MGAT4D: variants seen among roughly 807,000 people sequenced by gnomAD.
The protein encoded by MGAT4D is MGAT4 family member D.
MGAT4D carries 34 observed loss-of-function variants against 15.9 expected under a neutral mutation model. The ratio of observed to expected loss-of-function variants is 2.14; its 90% CI spans 1.62 to 2.84. The LOEUF (loss-of-function observed/expected upper bound fraction) is 2.84, where lower values mean the gene tolerates loss of function less well. Ranked by LOEUF, MGAT4D falls within the 30% of genes most tolerant of loss-of-function variation. The pLI is 0.00. For synonymous variants in MGAT4D, 112 were observed against 48.2 expected (o/e 2.33, Z -5.49); for missense variants, 327 against 140.2 (o/e 2.33, Z -6.73).
At chr4:140,453,295 C>A (rs1730587525) in intron 9 of MGAT4D, among the ~76,000 whole-genome samples, 1 of 151,926 alleles carries the variant, frequency 6.6e-6, no homozygotes, top group Non-Finnish European at 1.5e-5. Flanking sequence ...CCAAAAAATT[C>A]CTGCTGAGAT....
chr4:140,453,807 G>A (rs115983354), intron 9 of MGAT4D, among the ~76,000 whole-genome samples: 2,033 of 152,110 alleles, frequency 0.013, 15 homozygotes, highest in South Asian at 0.032. Flanking sequence ...GGCCTCCCTA[G>A]CCATGCAGAA....
At chr4:140,484,311 A>T (rs1375380045) in intron 1 of MGAT4D, among the ~76,000 whole-genome samples, 2 of 152,228 alleles carry the variant, frequency 1.3e-5, no homozygotes, top group African/African-American at 4.8e-5. Flanking sequence ...ACTAATCATC[A>T]GCAAAATGCA....
chr4:140,452,000 A>C (rs866531409), intron 9 of MGAT4D, among the ~76,000 whole-genome samples: 5,783 of 148,626 alleles, frequency 0.039, 352 homozygotes, highest in African/African-American at 0.13. Flanking sequence ...TTCTCAAAAA[A>C]AAAAAAAAAA....
At chr4:140,465,052 T>C (rs1314976601) in intron 5 of MGAT4D, 43 bp from the exon 6 acceptor site, 1 of 669,038 alleles carries the variant, frequency 1.5e-6, no homozygotes, top group Non-Finnish European at 2.7e-6. Context: ...GAATATTTAA[T>C]TTTCCAGAAT....
Position 140,482,458 on chromosome 4 carries a change from T to C in MGAT4D, c.122A>G (p.His41Arg), listed in dbSNP as rs752954357. The stretch of plus-strand genomic sequence containing the variant: ...CATATTTTCTTTAAACTCCAAAATA[T>C]GGTTTCTACAGTTAATTAATTGATT... ...TNNQLINCRNHILEFKENMLH... is the reference protein window; with the variant it reads ...TNNQLINCRNRILEFKENMLH... The change falls in exon 2 of 11, where the codon CAT becomes CGT. Residue 41 changes from histidine to arginine, a missense_variant. By Grantham distance (29) the His-to-Arg change is conservative. Transcript: ENST00000511113. 5.2e-4 allele frequency: 338 copies of C among 644,778 alleles called. 2 individuals are homozygous for C. Among genetic ancestry groups the C allele is most frequent in the Admixed American group, 1.0e-3 (35 of 34,922 alleles). 39.9% of individuals were successfully genotyped at this position (644,778 alleles called of 1,614,324 possible).
At chr4:140,461,880 TACACACACACACAC>T (rs10644682) in intron 7 of MGAT4D, 35 bp downstream of exon 7, 144 of 535,412 alleles carry the variant, frequency 2.7e-4, no homozygotes, top group Middle Eastern at 8.6e-4. Flanking sequence ...AATTGGTGTA[TACACACACACACAC>T]ACACACACAC....
chr4:140,483,758 G>C (rs7681722), intron 1 of MGAT4D, among the ~76,000 whole-genome samples: 24,458 of 151,992 alleles, frequency 0.16, 2,316 homozygotes, highest in East Asian at 0.41. Context: ...CACACAATAG[G>C]GAAAGAACAG....
At chr4:140,490,348 T>G (rs909737714) in intron 1 of MGAT4D, among the ~76,000 whole-genome samples, 3 of 152,184 alleles carry the variant, frequency 2.0e-5, no homozygotes, top group Non-Finnish European at 2.9e-5. Flanking sequence ...AGCAAAATCT[T>G]TGACCTCTAA....
intron 5 of MGAT4D, 28 bp from the exon 6 acceptor site, chr4:140,465,037 T>C: frequency 1.5e-6 from 1 of 676,796 alleles, no homozygotes. Flanking sequence ...TGCAGACTTA[T>C]AATTGAATAT....
chr4:140,494,743 T>G (rs2126885180), intron 1 of MGAT4D, among the ~76,000 whole-genome samples: 1 of 152,288 alleles, frequency 6.6e-6, no homozygotes, highest in Non-Finnish European at 1.5e-5. Flanking sequence ...TCAGGAGACA[T>G]TTGCCAATGC....
chr4:140,476,308 T>C (rs948911227), intron 3 of MGAT4D, among the ~76,000 whole-genome samples: 1 of 152,246 alleles, frequency 6.6e-6, no homozygotes, highest in Non-Finnish European at 1.5e-5. Context: ...GTTTTGCCCC[T>C]TGATGAAGAG....
chr4:140,466,662 T>C (rs1731551349), intron 5 of MGAT4D, among the ~76,000 whole-genome samples: 1 of 152,206 alleles, frequency 6.6e-6, no homozygotes, highest in African/African-American at 2.4e-5. Context: ...GAGTAATGTT[T>C]TAACATACGT....
At chr4:140,496,680 T>C (rs773375903) in intron 1 of MGAT4D, among the ~76,000 whole-genome samples, 3 of 151,954 alleles carry the variant, frequency 2.0e-5, no homozygotes, top group Non-Finnish European at 4.4e-5. Flanking sequence ...CTATCTCTAC[T>C]AAAAATACAA....
At chr4:140,478,037 C>T (rs1430315051) in intron 3 of MGAT4D, among the ~76,000 whole-genome samples, 1 of 152,166 alleles carries the variant, frequency 6.6e-6, no homozygotes, top group African/African-American at 2.4e-5. Flanking sequence ...ACATATGTTT[C>T]ATGTGTTAGG....
chr4:140,483,699 G>C (rs187400262), intron 1 of MGAT4D, among the ~76,000 whole-genome samples: 3 of 152,192 alleles, frequency 2.0e-5, no homozygotes, highest in East Asian at 1.9e-4. Context: ...AGGGAACCCA[G>C]AAATTCACGC....
chr4:140,496,563 C>T (rs1733849898), intron 1 of MGAT4D, among the ~76,000 whole-genome samples: 1 of 152,192 alleles, frequency 6.6e-6, no homozygotes, highest in Non-Finnish European at 1.5e-5. Context: ...AATTACTAGG[C>T]TGGGTGTGGT....
At chr4:140,459,020 T>A (rs1187019134) in intron 8 of MGAT4D, 1 of 152,144 alleles carries the variant, frequency 6.6e-6, no homozygotes, top group Non-Finnish European at 1.5e-5. Context: ...GTAAAAAAGA[T>A]CTCATAATGG....
intron 8 of MGAT4D, chr4:140,458,982 A>G (rs1266391400): frequency 6.6e-6 from 1 of 152,124 alleles, no homozygotes; most frequent in African/African-American, 2.4e-5. Context: ...AAATTGAAGG[A>G]TTTAAAAGGA....
intron 1 of MGAT4D, among the ~76,000 whole-genome samples, chr4:140,487,559 TA>T (rs1733225194): frequency 6.6e-6 from 1 of 152,224 alleles, no homozygotes; most frequent in Non-Finnish European, 1.5e-5. Context: ...TAATACAATA[TA>T]TCCAAAATGT....
Sources: allele counts gnomAD v4.1 joint callset (sites outside exome capture counted in the v4.1 genomes callset), GRCh38; gene constraint gnomAD v4.1.1; transcripts MANE v1.5; gene names NCBI Gene and HGNC (gene_info 2026-07-23, HGNC 2026-07-21).